PWWP3A: variants seen among roughly 807,000 people sequenced by gnomAD.
PWWP3A encodes PWWP domain-containing DNA repair factor 3A.
A neutral mutation model predicts 79.0 loss-of-function variants in PWWP3A; 53 were observed. The observed-to-expected ratio is 0.67, with a 90% confidence interval of 0.54 to 0.84. The LOEUF is 0.84. PWWP3A is among the 40% of genes least tolerant of loss of function. The pLI is 0.00. For synonymous variants in PWWP3A, 443 were observed against 394.4 expected, an observed-to-expected ratio of 1.12 and a Z score of -1.46; for missense variants, 973 against 948.0, an observed-to-expected ratio of 1.03 and a Z score of -0.35.
Position 1,360,316 on chromosome 19 carries a change from A to G in PWWP3A, c.395A>G (p.Asp132Gly). The G allele has an allele frequency of 6.2e-7, 1 of 1,613,874 alleles. No homozygotes were observed. Among genetic ancestry groups the G allele is most frequent in the Non-Finnish European group, 8.5e-7 (1 of 1,179,816 alleles). The change falls in exon 5 of 14, where the codon GAT becomes GGT. Residue 132 changes from aspartate to glycine, a missense_variant. By Grantham distance (94) the Asp-to-Gly change is moderately conservative (BLOSUM62 -1). Coordinates refer to ENST00000591337, the MANE Select transcript of PWWP3A (RefSeq NM_001369789.1). This position sits in a 1 kb window ranked among gnomAD's most constrained non-coding sequence, Gnocchi z 4.4. The part of the protein sequence containing the change: ...KPMEHVSSPC[D>G]SNSSSLPRGD... ...ATGGAGCATGTCTCCTCGCCCTGTG[A>G]TTCGAACTCCTCATCTCTTCCCCGC...
At chr19:1,361,456 C>G (rs2082013571) in intron 5 of PWWP3A, among the ~76,000 whole-genome samples, 2 of 152,222 alleles carry the variant, frequency 1.3e-5, no homozygotes, top group African/African-American at 4.8e-5. Context: ...AAAAGACTGA[C>G]TTTTTAAAGA....
Position 1,376,764 on chromosome 19 carries a change from C to T in PWWP3A, c.*188C>T, listed in dbSNP as rs573766065. On this transcript the variant is annotated 3_prime_UTR_variant, in exon 14 of 14. Transcript: ENST00000591337. ...ATTTCGTTAACACTGAAAGCCAGTTCTCTTTTCCTGGCAGTTTTTTTCATT... is the reference window on the plus strand; with the variant it reads ...ATTTCGTTAACACTGAAAGCCAGTTTTCTTTTCCTGGCAGTTTTTTTCATT... 2 of 492,350 alleles carry T rather than the reference C, an allele frequency of 4.1e-6. No homozygotes were observed. Among genetic ancestry groups the T allele is most frequent in the African/African-American group, 2.0e-5 (1 of 50,212 alleles). 30.5% of individuals were successfully genotyped at this position (492,350 alleles called of 1,614,324 possible).
intron 13 of PWWP3A, among the ~76,000 whole-genome samples, chr19:1,376,302 T>TTG (rs1555773634): frequency 5.2e-5 from 5 of 96,126 alleles, no homozygotes; most frequent in African/African-American, 2.7e-4. Flanking sequence ...TTTGTTTTTT[T>TTG]TTTTGTTTGT....
chr19:1,374,639 A>C (rs1169868557), intron 13 of PWWP3A, among the ~76,000 whole-genome samples: 3 of 152,212 alleles, frequency 2.0e-5, no homozygotes, highest in Non-Finnish European at 2.9e-5. Context: ...CTTTTGATCC[A>C]GGGCAGCCCT....
In PWWP3A at chr19:1,360,595, C is replaced by G; in HGVS notation, c.674C>G (p.Ala225Gly). Residue 225 changes from alanine to glycine, a missense_variant, in exon 5 of 14, where the codon GCT becomes GGT. Transcript: ENST00000591337. The surrounding 1 kb of genome is among the most constrained non-coding windows in gnomAD (Gnocchi z 4.4). ...AGGGGAGGAAACTCAGCGCAGAAGG[C>G]TAGCTTGTGCCTGAATGGATCTTCC... is the stretch of plus-strand genomic sequence containing the variant. ...SKRGGNSAQK[A>G]SLCLNGSSLS... The G allele has an allele frequency of 6.2e-7, 1 of 1,614,206 alleles. No individual in the cohort carries two copies. Among genetic ancestry groups the G allele is most frequent in the Non-Finnish European group, 8.5e-7 (1 of 1,180,030 alleles).
chr19:1,363,668 T>A (rs1019697095), intron 6 of PWWP3A, among the ~76,000 whole-genome samples: 18 of 152,190 alleles, frequency 1.2e-4, no homozygotes, highest in African/African-American at 3.9e-4. Flanking sequence ...TTTCTGAGGG[T>A]TCCCTGACCG....
At position 1,360,081 on chromosome 19, in the gene PWWP3A, C is replaced by G; in HGVS notation, c.215-55C>G. ...GCGAGCTTCTAAAGCGATGCCGTGACCGCAGTGCCTGTGCAGTGAACGTAA... is the reference window on the plus strand; with the variant it reads ...GCGAGCTTCTAAAGCGATGCCGTGAGCGCAGTGCCTGTGCAGTGAACGTAA... On this transcript the variant is annotated intron_variant, in intron 4 of 13. Transcript: ENST00000591337. This position sits in a 1 kb window ranked among gnomAD's most constrained non-coding sequence, Gnocchi z 4.4. The G allele has an allele frequency of 1.3e-6, 2 of 1,488,858 alleles. No homozygotes were observed. The highest frequency in any genetic ancestry group is 1.8e-6 in the Non-Finnish European group (2 of 1,120,488). The allele number at this position is 1,488,858 out of a possible 1,614,324, so 92.2% of individuals were successfully genotyped here.
chr19:1,364,296 T>G (rs1467401801), intron 6 of PWWP3A: 5 of 686,104 alleles, frequency 7.3e-6, no homozygotes, highest in Non-Finnish European at 1.4e-5. Context: ...AGCTGCTGGT[T>G]TCACTGTCTC....
chr19:1,363,345 T>G (rs538620733), intron 6 of PWWP3A, among the ~76,000 whole-genome samples: 3 of 152,382 alleles, frequency 2.0e-5, no homozygotes, highest in East Asian at 3.9e-4. Context: ...CTTCTGATCC[T>G]TTTCCTCTGG....
chr19:1,355,543 G>A (rs1242010350), intron 1 of PWWP3A, among the ~76,000 whole-genome samples: 1 of 116,682 alleles, frequency 8.6e-6, no homozygotes, highest in Non-Finnish European at 1.7e-5. Flanking sequence ...CACCTCCTCC[G>A]TGAGCCCTCG....
Position 1,376,848 on chromosome 19 carries a change from C to A in PWWP3A, c.*272C>A. On this transcript the variant is annotated 3_prime_UTR_variant, in exon 14 of 14. Transcript: ENST00000591337. ...GGAAAGGCTTTTGAAAGGACGGAAG[C>A]GTATTCACTGTGCGCCAGTACTCCT... is the stretch of plus-strand genomic sequence containing the variant. The A allele has an allele frequency of 5.4e-6, 2 of 369,040 alleles. No homozygotes were observed. The highest frequency in any genetic ancestry group is 9.2e-5 in the Admixed American group (2 of 21,790). 22.9% of individuals were successfully genotyped at this position (369,040 alleles called of 1,614,324 possible).
intron 13 of PWWP3A, 132 bp from the exon 14 acceptor site, chr19:1,376,387 C>T: frequency 1.6e-6 from 1 of 636,528 alleles, no homozygotes; most frequent in South Asian, 1.7e-5. Flanking sequence ...ATCTCCTGAC[C>T]TTGTGATCCG....
Position 1,364,573 on chromosome 19 carries a change from A to T in PWWP3A, c.1278A>T (p.Pro426=). 6.2e-7 allele frequency: 1 copy of T among 1,605,032 alleles called. No individual in the cohort carries two copies. The highest frequency in any genetic ancestry group is 8.5e-7 in the Non-Finnish European group (1 of 1,176,944). Residue 426 remains proline, a synonymous_variant, in exon 7 of 14, where the codon CCA becomes CCT. Transcript: ENST00000591337. Reference sequence around the variant, plus strand: ...AACATAAAAAATACCCCTTCTGGCCAGCAGTGGTAAGAACAGCTTCCTCCG... The same window carrying T: ...AACATAAAAAATACCCCTTCTGGCCTGCAGTGGTAAGAACAGCTTCCTCCG... ...WHKHKKYPFW[P]AVVKSVRQRD... is the part of the protein sequence containing the mutation.
intron 1 of PWWP3A, among the ~76,000 whole-genome samples, chr19:1,355,525 C>G: frequency 7.6e-6 from 1 of 131,336 alleles, no homozygotes; most frequent in South Asian, 2.8e-4. Context: ...CACCTGGACC[C>G]TCCGCTCCAC....
At position 1,376,716 on chromosome 19, in the gene PWWP3A, A is replaced by C; in HGVS notation, c.*140A>C. The C allele has an allele frequency of 1.5e-6, 1 of 663,326 alleles. No homozygotes were observed. The highest frequency in any genetic ancestry group is 1.9e-5 in the South Asian group (1 of 52,704). 41.1% of individuals were successfully genotyped at this position (663,326 alleles called of 1,614,324 possible). A position where few individuals can be genotyped will look rare whatever the true frequency, so the allele number is the denominator to read the frequency against. On this transcript the variant is annotated 3_prime_UTR_variant, in exon 14 of 14. Coordinates refer to ENST00000591337, the MANE Select transcript of PWWP3A (RefSeq NM_001369789.1). ...TGCGTTCTCCTGCGTGGCAGTCCTG[A>C]TTTCCATGCTTCTGGAGAATCCATT... is the stretch of plus-strand genomic sequence containing the variant.
At chr19:1,364,450 G>C in intron 6 of PWWP3A, 59 bp from the exon 7 acceptor site, 2 of 1,306,378 alleles carry the variant, frequency 1.5e-6, no homozygotes, top group Non-Finnish European at 2.2e-6. Context: ...CCTGGTGCTT[G>C]ATATGGATTT....
intron 5 of PWWP3A, 39 bp downstream of exon 5, chr19:1,361,071 G>A (rs1327892161): frequency 5.0e-6 from 7 of 1,403,182 alleles, no homozygotes; most frequent in Non-Finnish European, 6.5e-6. Flanking sequence ...GCAGAGGGTG[G>A]AGTCCTGCTC....
At chr19:1,359,794 A>G (rs1213304995) in intron 4 of PWWP3A, 1 of 184,970 alleles carries the variant, frequency 5.4e-6, no homozygotes. Flanking sequence ...TTGAATTTGA[A>G]ATTGTAAGGC....
chr19:1,365,142 AAAG>A (rs1166438854), intron 7 of PWWP3A, among the ~76,000 whole-genome samples: 1 of 152,198 alleles, frequency 6.6e-6, no homozygotes, highest in Admixed American at 6.5e-5. Context: ...AAAGGAAAAA[AAAG>A]AATTGTGATT....
Sources: gnomAD v4.1 joint callset for allele counts (sites outside exome capture counted in the v4.1 genomes callset) on GRCh38, gnomAD v4.1.1 for gene constraint, Gnocchi (gnomAD v3.1) non-coding constraint, MANE v1.5 for transcripts, NCBI Gene and HGNC (gene_info 2026-07-23, HGNC 2026-07-21) for gene names.